The following CRMP1 variants were observed in gnomAD, a reference collection of about 807,000 sequenced individuals.
The protein encoded by CRMP1 is collapsin response mediator protein 1.
Under a neutral mutation model 68.3 loss-of-function variants are expected in CRMP1, and 19 were observed. The observed-to-expected ratio is 0.28, with a 90% CI of 0.19 to 0.41. The LOEUF (loss-of-function observed/expected upper bound fraction) is 0.41. CRMP1 is among the 10% of genes least tolerant of loss of function. CRMP1 has a pLI of 1.00. For missense variants in CRMP1, 791 were observed against 967.4 expected (o/e 0.82, Z 2.42); for synonymous variants, 439 against 399.6 (o/e 1.10, Z -1.18).
intron 4 of CRMP1, among the ~76,000 whole-genome samples, chr4:5,852,294 C>T (rs1712719481): frequency 6.6e-6 from 1 of 152,188 alleles, no homozygotes; most frequent in Non-Finnish European, 1.5e-5. Flanking sequence ...GTTTCACTTT[C>T]CCCATTTCTG....
Position 5,861,260 on chromosome 4 carries a change from T to C in CRMP1, c.471-50A>G. 6.4e-7 allele frequency: 1 copy of C among 1,569,488 alleles called. No homozygotes were observed. The highest frequency in any genetic ancestry group is 8.7e-7 in the Non-Finnish European group (1 of 1,150,836). On this transcript the variant is annotated intron_variant, in intron 2 of 13. Transcript: ENST00000324989. The surrounding 1 kb of genome is among the most constrained non-coding windows in gnomAD (Gnocchi z 6.0). ...CTTGGTTCTTAAAGGAAAAGTAGAA[T>C]GGGCAGTCAACCCGCAGCTTCAGTT...
intron 11 of CRMP1, 105 bp from the exon 12 acceptor site, chr4:5,828,773 G>GTTT (rs905541581): frequency 2.3e-6 from 3 of 1,295,710 alleles, no homozygotes; most frequent in Non-Finnish European, 3.1e-6. Flanking sequence ...GTGTTCCAAT[G>GTTT]TTTTTTTTTC....
chr4:5,867,337 T>C (rs940433039), intron 1 of CRMP1, among the ~76,000 whole-genome samples: 4 of 152,324 alleles, frequency 2.6e-5, no homozygotes, highest in South Asian at 4.1e-4. Flanking sequence ...GCATCTGCAC[T>C]GGCCCCTCCT....
chr4:5,871,442 C>T (rs1221251274), intron 1 of CRMP1, among the ~76,000 whole-genome samples: 1 of 152,008 alleles, frequency 6.6e-6, no homozygotes, highest in Non-Finnish European at 1.5e-5. Flanking sequence ...GGGCGGATCA[C>T]GAGGTCAGGA....
Position 5,841,129 on chromosome 4 carries a change from A to G in CRMP1, c.1153+179T>C, listed in dbSNP as rs3774885. On this transcript the variant is annotated intron_variant, in intron 8 of 13. Coordinates refer to ENST00000324989, the MANE Select transcript of CRMP1 (RefSeq NM_001014809.3). The surrounding 1 kb of genome is among the most constrained non-coding windows in gnomAD (Gnocchi z 6.9). Reference sequence around the variant, plus strand: ...TGGAGCTGAGCTTATCGAGGTGAATATCCTAAGGTCATTGGGACCAAAGAA... The same window carrying G: ...TGGAGCTGAGCTTATCGAGGTGAATGTCCTAAGGTCATTGGGACCAAAGAA... Among the ~76,000 whole-genome samples the G allele has an allele frequency of 0.33, 50,323 of 151,934 alleles. 8,878 individuals are homozygous for G. The highest frequency in any genetic ancestry group is 0.41 in the African/African-American group (16,869 of 41,398).
intron 11 of CRMP1, among the ~76,000 whole-genome samples, chr4:5,831,054 T>A (rs1258702234): frequency 6.6e-6 from 1 of 152,142 alleles, no homozygotes; most frequent in African/African-American, 2.4e-5. Context: ...GCTCAAGCAA[T>A]CCTCCTGCCT....
In CRMP1 at chr4:5,831,239, G is replaced by T. The variant is rs558938509; in HGVS notation, c.1624-2571C>A. ...TGGGTTTACAGGCATGAACCACCACGCCAGGCCAAGTCTTTAGTTTTTATT... is the reference window on the plus strand; with the variant it reads ...TGGGTTTACAGGCATGAACCACCACTCCAGGCCAAGTCTTTAGTTTTTATT... On this transcript the variant is annotated intron_variant, in intron 11 of 13. Coordinates refer to ENST00000324989, the MANE Select transcript of CRMP1 (RefSeq NM_001014809.3). Among the ~76,000 whole-genome samples the T allele has an allele frequency of 2.0e-5, 3 of 152,212 alleles. No homozygotes were observed. In the East Asian group the frequency reaches 5.8e-4, roughly 29 times the overall value.
chr4:5,888,108 G>T lies in CRMP1; in HGVS notation c.381+4481C>A, dbSNP rs1715730671. On this transcript the variant is annotated intron_variant, in intron 1 of 13. Coordinates refer to ENST00000324989, the MANE Select transcript of CRMP1 (RefSeq NM_001014809.3). The surrounding 1 kb of genome is among the most constrained non-coding windows in gnomAD (Gnocchi z 6.4). ...CCGAGACCGGCCCCGCCCCACCCGC[G>T]GCGACGCAGGAGGCCTCGGGGGGCG... is the stretch of plus-strand genomic sequence containing the variant. 8.7e-7 allele frequency: 1 copy of T among 1,147,968 alleles called. No individual in the cohort carries two copies. Among genetic ancestry groups the T allele is most frequent in the African/African-American group, 1.6e-5 (1 of 62,466 alleles). 71.1% of individuals were successfully genotyped at this position (1,147,968 alleles called of 1,614,324 possible).
rs745531246 is a variant in CRMP1 at position 5,849,424 on chromosome 4, C to T, written c.931G>A (p.Val311Ile). 1.9e-6 allele frequency: 3 copies of T among 1,613,864 alleles called. No homozygotes were observed. Among genetic ancestry groups the T allele is most frequent in the Non-Finnish European group, 2.5e-6 (3 of 1,179,962 alleles). Residue 311 changes from valine (V) to isoleucine (I), a missense_variant, in exon 6 of 14, where the codon GTC becomes ATC. By Grantham distance (29) the Val-to-Ile change is conservative (BLOSUM62 3). Coordinates refer to ENST00000324989, the MANE Select transcript of CRMP1 (RefSeq NM_001014809.3). Reference sequence around the variant, plus strand: ...ATCAAATCTCCATTTTCTGCATGGACCAAGATCACAGCTCCCAGGCCCTTA... The same window carrying T: ...ATCAAATCTCCATTTTCTGCATGGATCAAGATCACAGCTCCCAGGCCCTTA... Reference protein sequence around the residue: ...FLKGLGAVILVHAENGDLIAQ... With the variant: ...FLKGLGAVILIHAENGDLIAQ...
chr4:5,887,463 G>C, intron 1 of CRMP1: 1 of 985,492 alleles, frequency 1.0e-6, no homozygotes, highest in Non-Finnish European at 1.2e-6. Flanking sequence ...TGGGGCGGAG[G>C]GCCAGCTCCT....
At chr4:5,845,540 T>G (rs1712124416) in intron 6 of CRMP1, among the ~76,000 whole-genome samples, 2 of 152,190 alleles carry the variant, frequency 1.3e-5, no homozygotes, top group African/African-American at 2.4e-5. Flanking sequence ...CAGTTGAGCC[T>G]TGAGATGCTC....
Position 5,835,990 on chromosome 4 carries a change from G to A in CRMP1, c.1548C>T (p.Ala516=), listed in dbSNP as rs540841995. ...TGACCACGTCGGCATCCGAGCCCAC[G>A]GCAATCCGCCCTTTCCTTGGGTACA... ...FNLYPRKGRI[A]VGSDADVVIW... is the part of the protein sequence containing the mutation. Residue 516 remains alanine (A), a synonymous_variant, in exon 11 of 14, where the codon GCC becomes GCT. Transcript: ENST00000324989. 2.6e-5 allele frequency: 42 copies of A among 1,605,360 alleles called. 1 individual carries two copies. In the East Asian group the frequency reaches 5.4e-4, roughly 21 times the overall value.
Position 5,889,724 on chromosome 4 carries a change from G to A in CRMP1, c.381+2865C>T, listed in dbSNP as rs1356650164. 5 of 1,535,796 alleles carry A rather than the reference G, an allele frequency of 3.3e-6. No individual in the cohort carries two copies. The highest frequency in any genetic ancestry group is 4.4e-6 in the Non-Finnish European group (5 of 1,146,750). On this transcript the variant is annotated intron_variant, in intron 1 of 13. Transcript: ENST00000324989. This position sits in a 1 kb window ranked among gnomAD's most constrained non-coding sequence, Gnocchi z 4.5. ...TTCTGCTTTCAAGTTGCCATCCAGAGCGAGGGTGGCCTAGGCTTGGTACAG... is the reference window on the plus strand; with the variant it reads ...TTCTGCTTTCAAGTTGCCATCCAGAACGAGGGTGGCCTAGGCTTGGTACAG...
At chr4:5,885,100 A>G (rs1365058590) in intron 1 of CRMP1, among the ~76,000 whole-genome samples, 6 of 152,076 alleles carry the variant, frequency 3.9e-5, no homozygotes, top group Admixed American at 3.9e-4. Flanking sequence ...ACCGGCTACT[A>G]TATTGTCTCA....
intron 2 of CRMP1, among the ~76,000 whole-genome samples, chr4:5,862,857 TAC>T (rs1307948310): frequency 6.6e-6 from 1 of 152,074 alleles, no homozygotes; most frequent in Non-Finnish European, 1.5e-5. Context: ...CAGGCTGGAG[TAC>T]AGTGGTACAG....
At position 5,834,744 on chromosome 4, in the gene CRMP1, T is replaced by C. The variant is rs1460412899; in HGVS notation, c.1623+1171A>G. On this transcript the variant is annotated intron_variant, in intron 11 of 13. Transcript: ENST00000324989. This position sits in a 1 kb window ranked among gnomAD's most constrained non-coding sequence, Gnocchi z 4.3. Reference sequence around the variant, plus strand: ...TAGAATTGCAAGCCCTGCTGGACTGTACATGTGCGTGGCATAAACCTTTCT... The same window carrying C: ...TAGAATTGCAAGCCCTGCTGGACTGCACATGTGCGTGGCATAAACCTTTCT... Among the ~76,000 whole-genome samples, 5 of 152,188 alleles carry C rather than the reference T, an allele frequency of 3.3e-5. No homozygotes were observed. Among genetic ancestry groups the C allele is most frequent in the Non-Finnish European group, 5.9e-5 (4 of 68,038 alleles).
Position 5,843,266 on chromosome 4 carries a change from G to A in CRMP1, c.964-105C>T, listed in dbSNP as rs1246251651. The A allele has an allele frequency of 8.8e-7, 1 of 1,131,130 alleles. No homozygotes were observed. The highest frequency in any genetic ancestry group is 1.3e-6 in the Non-Finnish European group (1 of 754,514). The allele number at this position is 1,131,130 out of a possible 1,614,324, so 70.1% of individuals were successfully genotyped here. Reference sequence around the variant, plus strand: ...ACAGAGGGGGCAGCTGGGTCCCAAAGAGGCGAGTGGCTTGCACTAGGTTAA... The same window carrying A: ...ACAGAGGGGGCAGCTGGGTCCCAAAAAGGCGAGTGGCTTGCACTAGGTTAA... On this transcript the variant is annotated intron_variant, in intron 6 of 13. Coordinates refer to ENST00000324989, the MANE Select transcript of CRMP1 (RefSeq NM_001014809.3). The surrounding 1 kb of genome is among the most constrained non-coding windows in gnomAD (Gnocchi z 4.1).
At position 5,877,006 on chromosome 4, in the gene CRMP1, G is replaced by A. The variant is rs1714889171; in HGVS notation, c.382-10250C>T. Among the ~76,000 whole-genome samples the A allele has an allele frequency of 6.6e-6, 1 of 152,208 alleles. No homozygotes were observed. The highest frequency in any genetic ancestry group is 1.5e-5 in the Non-Finnish European group (1 of 68,034). On this transcript the variant is annotated intron_variant, in intron 1 of 13. Transcript: ENST00000324989. The surrounding 1 kb of genome is among the most constrained non-coding windows in gnomAD (Gnocchi z 4.3). ...CACTGACTGTGGGTGTTCTGCCCAT[G>A]TGACCTGCTTTGGCTGGGAGTGCAC...
rs1715926440 is a variant in CRMP1, at chr4:5,891,175, T to TACATACACACACAC, written c.381+1413_381+1414insGTGTGTGTGTATGT. Among the ~76,000 whole-genome samples the TACATACACACACAC allele has an allele frequency of 7.6e-6, 1 of 131,964 alleles. No homozygotes were observed. The highest frequency in any genetic ancestry group is 1.6e-5 in the Non-Finnish European group (1 of 62,782). 86.6% of individuals were successfully genotyped at this position (131,964 alleles called of 152,430 possible). A position where few individuals can be genotyped will look rare whatever the true frequency, so the allele number is the denominator to read the frequency against. On this transcript the variant is annotated intron_variant, in intron 1 of 13. Transcript: ENST00000324989. The surrounding 1 kb of genome is among the most constrained non-coding windows in gnomAD (Gnocchi z 5.2). ...TGATCACCCCACCACCACACACACA[T>TACATACACACACAC]ACACACACACACACACACACACACA...
Sources: gnomAD v4.1 joint callset for allele counts (sites outside exome capture counted in the v4.1 genomes callset) on GRCh38, gnomAD v4.1.1 for gene constraint, Gnocchi (gnomAD v3.1) non-coding constraint, MANE v1.5 for transcripts, NCBI Gene and HGNC (gene_info 2026-07-23, HGNC 2026-07-21) for gene names.